METTL24: variants seen among roughly 807,000 people sequenced by gnomAD.
The protein encoded by METTL24 is probable methyltransferase-like protein 24.
Under a neutral mutation model 32.7 loss-of-function variants are expected in METTL24, and 29 were observed. The ratio of observed to expected loss-of-function variants is 0.89; its 90% CI spans 0.66 to 1.21. The LOEUF (loss-of-function observed/expected upper bound fraction) is 1.21. METTL24 is among the 50% of genes most tolerant of loss of function. The pLI is 0.00. For missense variants in METTL24, 439 were observed against 468.1 expected (o/e 0.94, Z 0.57); for synonymous variants, 163 against 179.5 (o/e 0.91, Z 0.73).
At chr6:110,322,627 T>G in intron 2 of METTL24, 147 bp downstream of exon 2, 35 of 550,840 alleles carry the variant, frequency 6.4e-5, no homozygotes, top group Non-Finnish European at 5.8e-5. Context: ...AGTGAGTGGA[T>G]GAGTTTAAGC....
At chr6:110,313,187 C>A (rs1771756804) in intron 3 of METTL24, among the ~76,000 whole-genome samples, 1 of 152,086 alleles carries the variant, frequency 6.6e-6, no homozygotes, top group South Asian at 2.1e-4. Flanking sequence ...CTACAGTCGA[C>A]AACCATAAAT....
At chr6:110,273,515 A>T (rs1770992228) in intron 4 of METTL24, among the ~76,000 whole-genome samples, 1 of 151,698 alleles carries the variant, frequency 6.6e-6, no homozygotes, top group Non-Finnish European at 1.5e-5. Context: ...ACTCAAACAA[A>T]TCATCAAGAA....
At chr6:110,279,161 T>C (rs986818092) in intron 4 of METTL24, among the ~76,000 whole-genome samples, 1 of 152,246 alleles carries the variant, frequency 6.6e-6, no homozygotes, top group East Asian at 1.9e-4. Context: ...ATTTATTTAC[T>C]GTGCATTTCA....
At chr6:110,344,128 G>T (rs1582441696) in intron 1 of METTL24, among the ~76,000 whole-genome samples, 1 of 152,152 alleles carries the variant, frequency 6.6e-6, no homozygotes, top group East Asian at 1.9e-4. Context: ...GGTGGGTAAC[G>T]GAGTAGGAGG....
intron 4 of METTL24, among the ~76,000 whole-genome samples, chr6:110,257,679 C>T (rs780519010): frequency 3.3e-5 from 5 of 152,186 alleles, no homozygotes; most frequent in African/African-American, 7.2e-5. Flanking sequence ...GCTGGTACAA[C>T]GACCACACTT....
intron 1 of METTL24, among the ~76,000 whole-genome samples, chr6:110,342,686 T>C (rs948200172): frequency 6.6e-6 from 1 of 152,286 alleles, no homozygotes; most frequent in Non-Finnish European, 1.5e-5. Context: ...AAGAAACTCC[T>C]TTCCTAGTAG....
intron 4 of METTL24, among the ~76,000 whole-genome samples, chr6:110,272,747 G>A (rs1770979750): frequency 6.6e-6 from 1 of 152,190 alleles, no homozygotes; most frequent in South Asian, 2.1e-4. Flanking sequence ...TCATATATTT[G>A]TTGGCCGTTT....
chr6:110,314,414 T>TAG (rs1314062231), intron 3 of METTL24, among the ~76,000 whole-genome samples: 2 of 152,152 alleles, frequency 1.3e-5, no homozygotes, highest in African/African-American at 4.8e-5. Context: ...GGTGAAATAG[T>TAG]CCCATTACTT....
chr6:110,262,698 A>G (rs1770762166), intron 4 of METTL24, among the ~76,000 whole-genome samples: 1 of 152,266 alleles, frequency 6.6e-6, no homozygotes, highest in Non-Finnish European at 1.5e-5. Context: ...ATCCTTGATG[A>G]ACATCAATGC....
At chr6:110,291,541 T>A (rs1025362165) in intron 4 of METTL24, among the ~76,000 whole-genome samples, 16 of 152,126 alleles carry the variant, frequency 1.1e-4, no homozygotes, top group Admixed American at 7.2e-4. Flanking sequence ...TGCAGATTTT[T>A]AAAAAAAACT....
intron 2 of METTL24, among the ~76,000 whole-genome samples, chr6:110,321,859 C>T (rs1439256898): frequency 6.6e-6 from 1 of 152,166 alleles, no homozygotes; most frequent in African/African-American, 2.4e-5. Flanking sequence ...AAGCGCTTTG[C>T]TGCCAGAGAG....
chr6:110,302,266 A>T (rs1771529259), intron 3 of METTL24, among the ~76,000 whole-genome samples: 1 of 151,778 alleles, frequency 6.6e-6, no homozygotes, highest in Admixed American at 6.6e-5. Flanking sequence ...TGACAGAGTG[A>T]GACTCCATCA....
At chr6:110,270,280 C>T (rs2114708174) in intron 4 of METTL24, among the ~76,000 whole-genome samples, 1 of 151,980 alleles carries the variant, frequency 6.6e-6, no homozygotes, top group South Asian at 2.1e-4. Flanking sequence ...TCCTCTTACT[C>T]ATCCTCCTTC....
chr6:110,293,858 T>C (rs1185843466), intron 4 of METTL24, among the ~76,000 whole-genome samples: 1 of 151,948 alleles, frequency 6.6e-6, no homozygotes, highest in Admixed American at 6.6e-5. Context: ...TGTGAATCTA[T>C]CTCAAAATGT....
chr6:110,342,273 T>C (rs1225841189), intron 1 of METTL24, among the ~76,000 whole-genome samples: 1 of 152,178 alleles, frequency 6.6e-6, no homozygotes, highest in Non-Finnish European at 1.5e-5. Flanking sequence ...CTGCAATGCG[T>C]CTGCCATGCC....
intron 3 of METTL24, among the ~76,000 whole-genome samples, chr6:110,311,117 C>T (rs1771713783): frequency 6.6e-6 from 1 of 152,132 alleles, no homozygotes; most frequent in Non-Finnish European, 1.5e-5. Flanking sequence ...TCCCTGTTCT[C>T]ACTCCTAATT....
chr6:110,256,778 C>G (rs184243389), intron 4 of METTL24, among the ~76,000 whole-genome samples: 5 of 152,316 alleles, frequency 3.3e-5, no homozygotes, highest in Admixed American at 3.3e-4. Flanking sequence ...TCTTGATTTT[C>G]AACTCTTTAT....
intron 4 of METTL24, among the ~76,000 whole-genome samples, chr6:110,284,177 C>A (rs1368338496): frequency 6.6e-6 from 1 of 152,066 alleles, no homozygotes; most frequent in Non-Finnish European, 1.5e-5. Flanking sequence ...TTCATAGAGA[C>A]AGGAAGTAGA....
rs976118590 is a variant in METTL24 at position 110,248,567 on chromosome 6, T to C, written c.787-2307A>G. Among the ~76,000 whole-genome samples, 6 of 149,006 alleles carry C rather than the reference T, an allele frequency of 4.0e-5. 1 individual carries two copies. The highest frequency in any genetic ancestry group is 4.0e-4 in the Admixed American group (6 of 15,124). ...AAAAGTTAAAACAAAACAAAACCTT[T>C]CTTCATGAGAGGAACTGAGCAAAGA... is the stretch of plus-strand genomic sequence containing the variant. On this transcript the variant is annotated intron_variant, in intron 4 of 4. Transcript: ENST00000338882.
Sources: gnomAD v4.1 joint callset for allele counts (sites outside exome capture counted in the v4.1 genomes callset) on GRCh38, gnomAD v4.1.1 for gene constraint, MANE v1.5 for transcripts, NCBI Gene and HGNC (gene_info 2026-07-23, HGNC 2026-07-21) for gene names.